GRM1: variants seen among roughly 807,000 people sequenced by gnomAD.
The protein encoded by GRM1 is glutamate metabotropic receptor 1, also known as metabotropic glutamate receptor 1.
GRM1 carries 33 observed loss-of-function variants against 90.9 expected under a neutral mutation model. The observed-to-expected ratio is 0.36, with a 90% CI of 0.28 to 0.49. The LOEUF is 0.49. Among genes scored for constraint, GRM1 ranks in the 20% least tolerant of loss-of-function variants. The pLI, the probability that GRM1 is intolerant of heterozygous loss-of-function variation, is 0.99. For synonymous variants in GRM1, 700 were observed against 613.2 expected (o/e 1.14, Z -2.09); for missense variants, 1,190 against 1,534.3 (o/e 0.78, Z 3.75).
At chr6:146,284,452 A>T (rs1327001856) in intron 2 of GRM1, among the ~76,000 whole-genome samples, 1 of 152,200 alleles carries the variant, frequency 6.6e-6, no homozygotes, top group Non-Finnish European at 1.5e-5. Context: ...TACATGAGTA[A>T]TGCAAAAAGA....
chr6:146,309,414 G>T (rs1029072248), intron 3 of GRM1, among the ~76,000 whole-genome samples: 21 of 151,244 alleles, frequency 1.4e-4, no homozygotes, highest in African/African-American at 4.1e-4. Flanking sequence ...AAAAAAAACA[G>T]AACATTTTTA....
At chr6:146,047,336 C>T (rs1385756388) in intron 1 of GRM1, among the ~76,000 whole-genome samples, 3 of 151,918 alleles carry the variant, frequency 2.0e-5, no homozygotes, top group African/African-American at 7.2e-5. Flanking sequence ...GACACCTTTG[C>T]AAGGAAGCCA....
chr6:146,151,168 TGA>T (rs1393418320), intron 1 of GRM1, among the ~76,000 whole-genome samples: 1 of 152,164 alleles, frequency 6.6e-6, no homozygotes, highest in East Asian at 1.9e-4. Flanking sequence ...CACAGGAGAA[TGA>T]GAGAGACTAC....
chr6:146,285,336 C>A (rs961589425), intron 2 of GRM1, among the ~76,000 whole-genome samples: 1 of 152,154 alleles, frequency 6.6e-6, no homozygotes, highest in Admixed American at 6.5e-5. Flanking sequence ...CACATCTACT[C>A]CATCACCAAG....
intron 2 of GRM1, among the ~76,000 whole-genome samples, chr6:146,288,872 A>T (rs6929180): frequency 1.3e-5 from 2 of 151,988 alleles, no homozygotes; most frequent in African/African-American, 4.8e-5. Context: ...ATAGAGGTGA[A>T]GAATTCCCAT....
At chr6:146,132,188 G>T (rs745609155) in intron 1 of GRM1, among the ~76,000 whole-genome samples, 1 of 152,124 alleles carries the variant, frequency 6.6e-6, no homozygotes, top group Non-Finnish European at 1.5e-5. Flanking sequence ...AACCACTAAA[G>T]AGATCTGAGC....
At chr6:146,386,108 C>T (rs146428643) in intron 5 of GRM1, among the ~76,000 whole-genome samples, 23 of 152,130 alleles carry the variant, frequency 1.5e-4, no homozygotes, top group African/African-American at 5.3e-4. Flanking sequence ...CAGAAATTGT[C>T]AGACTAGAGA....
At chr6:146,121,544 A>T (rs999668885) in intron 1 of GRM1, among the ~76,000 whole-genome samples, 1 of 152,006 alleles carries the variant, frequency 6.6e-6, no homozygotes, top group African/African-American at 2.4e-5. Flanking sequence ...TCAATTTTAG[A>T]TCTTTCCTGC....
At chr6:146,357,753 A>G in intron 5 of GRM1, 59 bp downstream of exon 5, 1 of 1,284,830 alleles carries the variant, frequency 7.8e-7, no homozygotes. Context: ...CCTGGACATT[A>G]GTAAAGAACA....
At chr6:146,082,123 T>G (rs1776383249) in intron 1 of GRM1, among the ~76,000 whole-genome samples, 1 of 151,994 alleles carries the variant, frequency 6.6e-6, no homozygotes, top group Non-Finnish European at 1.5e-5. Flanking sequence ...CTAGAGACAT[T>G]AACTCCCTTA....
At chr6:146,213,127 G>C (rs1779736768) in intron 2 of GRM1, among the ~76,000 whole-genome samples, 1 of 152,118 alleles carries the variant, frequency 6.6e-6, no homozygotes, top group South Asian at 2.1e-4. Context: ...GGAATTAATA[G>C]CTAAACTGAG....
chr6:146,411,239 T>C lies in GRM1; in HGVS notation c.2660+11540T>C, dbSNP rs181987295. 6.4e-4 allele frequency among the ~76,000 whole-genome samples: 97 copies of C among 152,252 alleles called. 1 individual carries two copies. The highest frequency in any genetic ancestry group is 3.3e-3 in the Admixed American group (51 of 15,302). ...GAAATATTTCCAGGAAGCATTACCC[T>C]AGCTAAGATTTCTGAAGAAGGAGAA... On this transcript the variant is annotated intron_variant, in intron 7 of 7. Coordinates refer to ENST00000282753, the MANE Select transcript of GRM1 (RefSeq NM_001278064.2).
intron 2 of GRM1, among the ~76,000 whole-genome samples, chr6:146,196,386 C>T (rs1184250571): frequency 3.3e-5 from 5 of 149,740 alleles, no homozygotes; most frequent in African/African-American, 4.9e-5. Context: ...CTCCCAGGTT[C>T]ACATCATTTT....
At chr6:146,343,793 T>A (rs1475253614) in intron 3 of GRM1, among the ~76,000 whole-genome samples, 1 of 152,000 alleles carries the variant, frequency 6.6e-6, no homozygotes, top group Admixed American at 6.6e-5. Context: ...CTAAAAACAT[T>A]GTTTTGTTTA....
intron 5 of GRM1, among the ~76,000 whole-genome samples, chr6:146,361,293 A>C (rs1336374504): frequency 6.6e-6 from 1 of 152,224 alleles, no homozygotes; most frequent in Non-Finnish European, 1.5e-5. Flanking sequence ...CTGCAGTAGC[A>C]GTCATAACAG....
chr6:146,105,001 A>G (rs1461736657), intron 1 of GRM1, among the ~76,000 whole-genome samples: 4 of 152,202 alleles, frequency 2.6e-5, no homozygotes, highest in African/African-American at 9.6e-5. Context: ...GTTCTGGTAA[A>G]GTCCTCTTTC....
intron 2 of GRM1, among the ~76,000 whole-genome samples, chr6:146,198,262 A>G (rs1416736134): frequency 2.6e-5 from 4 of 152,178 alleles, no homozygotes; most frequent in African/African-American, 9.6e-5. Flanking sequence ...GGCGGAGTCT[A>G]TGGTAGTCTA....
chr6:146,234,519 C>T (rs1466903683), intron 2 of GRM1, among the ~76,000 whole-genome samples: 1 of 151,774 alleles, frequency 6.6e-6, no homozygotes. Context: ...TTATAATGCT[C>T]ATCTTTAATG....
intron 2 of GRM1, among the ~76,000 whole-genome samples, chr6:146,189,948 T>A (rs1045700521): frequency 6.6e-6 from 1 of 152,194 alleles, no homozygotes; most frequent in African/African-American, 2.4e-5. Flanking sequence ...AAAACCAGAA[T>A]TCTATGTTAC....
Sources: allele counts gnomAD v4.1 joint callset (sites outside exome capture counted in the v4.1 genomes callset), GRCh38; gene constraint gnomAD v4.1.1; transcripts MANE v1.5; gene names NCBI Gene and HGNC (gene_info 2026-07-23, HGNC 2026-07-21).